NUDT7: variants seen among roughly 807,000 people sequenced by gnomAD.
The protein encoded by NUDT7 is nudix hydrolase 7.
Under a neutral mutation model 13.1 loss-of-function variants are expected in NUDT7, and 19 were observed. The ratio of observed to expected loss-of-function variants is 1.45; its 90% confidence interval spans 1.01 to 2.13. NUDT7 has a LOEUF of 2.13. NUDT7 is among the 30% of genes most tolerant of loss of function. The pLI is 0.00. For synonymous variants in NUDT7, 132 were observed against 109.7 expected, an observed-to-expected ratio of 1.20 and a Z score of -1.27; for missense variants, 360 against 291.7, an observed-to-expected ratio of 1.23 and a Z score of -1.71.
At position 77,722,623 on chromosome 16, in the gene NUDT7, G is replaced by A; in HGVS notation, c.35+6G>A. 6.3e-7 allele frequency: 1 copy of A among 1,591,172 alleles called. No homozygotes were observed. The highest frequency in any genetic ancestry group is 8.6e-7 in the Non-Finnish European group (1 of 1,168,222). ...CTTCCCGAGGAGCCAGTCAGGTAAA[G>A]GCTTTCCGGGCCCTGGCACCCCGAG... On this transcript the variant is annotated splice_donor_region_variant and intron_variant, in intron 1 of 3. Coordinates refer to ENST00000268533, the MANE Select transcript of NUDT7 (RefSeq NM_001105663.3).
At chr16:77,724,506 C>T (rs2094933084) in intron 1 of NUDT7, among the ~76,000 whole-genome samples, 2 of 152,222 alleles carry the variant, frequency 1.3e-5, no homozygotes, top group South Asian at 4.1e-4. Context: ...CTCCTGGGCC[C>T]AAGCAATTCT....
In NUDT7 at chr16:77,725,486, A is replaced by G. The variant is rs2014102570; in HGVS notation, c.91A>G (p.Lys31Glu). Residue 31 changes from lysine (K) to glutamate (E), a missense_variant, in exon 2 of 4, where the codon AAA becomes GAA. Coordinates refer to ENST00000268533, the MANE Select transcript of NUDT7 (RefSeq NM_001105663.3). ...ARLRKYDIGGKYSHLPYNKYS... is the reference protein window; with the variant it reads ...ARLRKYDIGGEYSHLPYNKYS... The stretch of plus-strand genomic sequence containing the variant: ...CTTAAGAAAGTATGATATTGGAGGC[A>G]AATATTCTCACTTGCCATATAACAA... 2 of 1,613,696 alleles carry G rather than the reference A, an allele frequency of 1.2e-6. No homozygotes were observed. The highest frequency in any genetic ancestry group is 2.7e-5 in the African/African-American group (2 of 74,924).
Position 77,741,711 on chromosome 16 carries a change from C to T in NUDT7, c.478C>T (p.Gln160Ter). Residue 160 changes from glutamine to a stop codon, truncating the protein, a stop_gained, in exon 4 of 4, where the codon CAG becomes TAG. Coordinates refer to ENST00000268533, the MANE Select transcript of NUDT7 (RefSeq NM_001105663.3). LOFTEE classifies it low-confidence loss of function (END_TRUNC). ...TTTCCTGCATCCACAGGTCCATGAC[C>T]AGCATTACGTCACACGTCTTGGTCA... is the stretch of plus-strand genomic sequence containing the variant. ...AYFLHPQVHDQHYVTRLGHRF... is the reference protein window; with the variant it reads ...AYFLHPQVHD 6.2e-7 allele frequency: 1 copy of T among 1,614,116 alleles called. No homozygotes were observed. The highest frequency in any genetic ancestry group is 2.2e-5 in the East Asian group (1 of 44,868).
chr16:77,736,323 T>G (rs925482929), intron 3 of NUDT7: 22 of 199,030 alleles, frequency 1.1e-4, no homozygotes, highest in African/African-American at 5.0e-4. Context: ...TTTTGAGAGT[T>G]CAGTTGAAAA....
At chr16:77,722,664 C>A (rs759553866) in intron 1 of NUDT7, 47 bp downstream of exon 1, 38 of 1,552,922 alleles carry the variant, frequency 2.4e-5, no homozygotes, top group Non-Finnish European at 3.2e-5. Context: ...TCAGGCCCGG[C>A]CTTGATCGTA....
intron 2 of NUDT7, among the ~76,000 whole-genome samples, chr16:77,728,259 T>G (rs891536867): frequency 6.6e-6 from 1 of 152,018 alleles, no homozygotes; most frequent in African/African-American, 2.4e-5. Flanking sequence ...TTCAGAAGGA[T>G]TCTCGCTCTG....
rs765225729 is a variant in NUDT7, at chr16:77,741,854, A to C, written c.621A>C (p.Lys207Asn). The change falls in exon 4 of 4, where the codon AAA becomes AAC. Residue 207 changes from lysine (K) to asparagine (N), a missense_variant. Lys to Asn is a moderately conservative substitution (Grantham distance 94, BLOSUM62 0). Transcript: ENST00000268533. ...TGGCCTTTATCATTTTGGAAAAAAAACCCACCTTTGAGGTTCAATTTAATC... is the reference window on the plus strand; with the variant it reads ...TGGCCTTTATCATTTTGGAAAAAAACCCCACCTTTGAGGTTCAATTTAATC... ...VLVAFIILEK[K>N]PTFEVQFNLN... 20 of 1,614,026 alleles carry C rather than the reference A, an allele frequency of 1.2e-5. No homozygotes were observed. The Admixed American group carries it at 1.7e-4, about 13-fold the overall frequency.
chr16:77,728,386 C>A (rs2014208928), intron 2 of NUDT7, among the ~76,000 whole-genome samples: 1 of 152,120 alleles, frequency 6.6e-6, no homozygotes, highest in South Asian at 2.1e-4. Context: ...GTGCACGCCA[C>A]CACGCCTGGC....
intron 1 of NUDT7, among the ~76,000 whole-genome samples, chr16:77,723,185 T>A (rs1344578956): frequency 6.6e-6 from 1 of 152,328 alleles, no homozygotes; most frequent in Middle Eastern, 3.4e-3. Flanking sequence ...TGCAGCCTTT[T>A]ACTTTGGCTG....
chr16:77,727,219 C>T (rs1023547418), intron 2 of NUDT7, among the ~76,000 whole-genome samples: 1 of 152,140 alleles, frequency 6.6e-6, no homozygotes, highest in Admixed American at 6.5e-5. Context: ...GTCAGTTTCC[C>T]TTGCTGTGGG....
chr16:77,727,772 A>T (rs1317299876), intron 2 of NUDT7, among the ~76,000 whole-genome samples: 1 of 152,076 alleles, frequency 6.6e-6, no homozygotes, highest in African/African-American at 2.4e-5. Context: ...AGGGAGAATC[A>T]CTTGAACCTG....
In NUDT7 at chr16:77,741,770, C is replaced by T; in HGVS notation, c.537C>T (p.Asn179=). 1 of 1,614,072 alleles carries T rather than the reference C, an allele frequency of 6.2e-7. No individual in the cohort carries two copies. Among genetic ancestry groups the T allele is most frequent in the Non-Finnish European group, 8.5e-7 (1 of 1,180,016 alleles). ...RFINHIFEYT[N]PEDGVTYQIK... ...TTAATCATATCTTTGAGTACACAAA[C>T]CCTGAAGACGGTGTCACTTACCAGA... Residue 179 remains asparagine (N), a synonymous_variant, in exon 4 of 4, where the codon AAC becomes AAT. Transcript: ENST00000268533.
At chr16:77,731,923 A>G (rs76992668) in intron 2 of NUDT7, among the ~76,000 whole-genome samples, 14,692 of 152,238 alleles carry the variant, frequency 0.097, 820 homozygotes, top group African/African-American at 0.16. Context: ...ATAGCTGTGT[A>G]ATGTATTTGT....
intron 2 of NUDT7, among the ~76,000 whole-genome samples, chr16:77,725,955 C>T (rs2014122139): frequency 6.6e-6 from 1 of 152,134 alleles, no homozygotes; most frequent in Admixed American, 6.6e-5. Flanking sequence ...AACACAAGCT[C>T]ACACACACCT....
Position 77,741,815 on chromosome 16 carries a change from C to A in NUDT7, c.582C>A (p.Asn194Lys), listed in dbSNP as rs368812066. The A allele has an allele frequency of 1.9e-6, 3 of 1,614,112 alleles. No individual in the cohort carries two copies. In the East Asian group the frequency reaches 6.7e-5, roughly 36 times the overall value. Reference protein sequence around the residue: ...VTYQIKGMTANLAVLVAFIIL... With the variant: ...VTYQIKGMTAKLAVLVAFIIL... ...ACCAGATCAAGGGAATGACGGCAAA[C>A]CTTGCAGTGTTGGTGGCCTTTATCA... Residue 194 changes from asparagine to lysine, a missense_variant, in exon 4 of 4, where the codon AAC becomes AAA. By Grantham distance (94) the Asn-to-Lys change is moderately conservative. Coordinates refer to ENST00000268533, the MANE Select transcript of NUDT7 (RefSeq NM_001105663.3).
At chr16:77,737,811 G>T (rs1423798398) in intron 3 of NUDT7, among the ~76,000 whole-genome samples, 1 of 151,958 alleles carries the variant, frequency 6.6e-6, no homozygotes, top group Non-Finnish European at 1.5e-5. Flanking sequence ...TGGGCTTTCG[G>T]GTAAGTTTTT....
chr16:77,725,599 A>G lies in NUDT7; in HGVS notation c.189+15A>G. On this transcript the variant is annotated intron_variant, in intron 2 of 3. Transcript: ENST00000268533. ...GGTCAGAGAAGGTAGGTGGACAAAA[A>G]ATTTCCTGCCCTTAAACCTCAGGAC... 6 of 1,612,520 alleles carry G rather than the reference A, an allele frequency of 3.7e-6. No individual in the cohort carries two copies. The highest frequency in any genetic ancestry group is 5.1e-6 in the Non-Finnish European group (6 of 1,179,302).
intron 2 of NUDT7, among the ~76,000 whole-genome samples, chr16:77,730,922 T>C (rs2014298810): frequency 6.6e-6 from 1 of 150,430 alleles, no homozygotes; most frequent in South Asian, 2.1e-4. Flanking sequence ...TTTGTCCATT[T>C]TTAAATTTTT....
At chr16:77,728,792 A>G (rs1434069167) in intron 2 of NUDT7, among the ~76,000 whole-genome samples, 2 of 152,022 alleles carry the variant, frequency 1.3e-5, no homozygotes, top group Non-Finnish European at 2.9e-5. Context: ...GAGCTGGCAA[A>G]CCCCTTTCTC....
Sources: allele counts gnomAD v4.1 joint callset (sites outside exome capture counted in the v4.1 genomes callset), GRCh38; gene constraint gnomAD v4.1.1; transcripts MANE v1.5; gene names NCBI Gene and HGNC (gene_info 2026-07-23, HGNC 2026-07-21).